The following TAFA1 variants were observed in gnomAD, a reference collection of about 807,000 sequenced individuals.
The protein encoded by TAFA1 is TAFA chemokine like family member 1.
A neutral mutation model predicts 18.5 loss-of-function variants in TAFA1; 4 were observed. That is an observed-to-expected ratio of 0.22 (90% confidence interval 0.11 to 0.49). The LOEUF is 0.49. TAFA1 is among the 20% of genes least tolerant of loss of function. TAFA1 has a pLI of 0.98. For missense variants in TAFA1, 147 were observed against 169.0 expected, an observed-to-expected ratio of 0.87 and a Z score of 0.72; for synonymous variants, 56 against 55.2, an observed-to-expected ratio of 1.01 and a Z score of -0.06.
intron 2 of TAFA1, among the ~76,000 whole-genome samples, chr3:68,318,178 A>G (rs1413680807): frequency 6.6e-6 from 1 of 152,172 alleles, no homozygotes; most frequent in Non-Finnish European, 1.5e-5. Flanking sequence ...ACACACTGAG[A>G]CTGATTTAGC....
At chr3:68,540,638 G>A (rs2073357220) in intron 4 of TAFA1, among the ~76,000 whole-genome samples, 1 of 152,118 alleles carries the variant, frequency 6.6e-6, no homozygotes, top group South Asian at 2.1e-4. Flanking sequence ...AGAACTGATT[G>A]CCTTTTATTG....
Position 68,212,123 on chromosome 3 carries a change from G to A in TAFA1, c.119-205157G>A, listed in dbSNP as rs757851380. On this transcript the variant is annotated intron_variant, in intron 2 of 4. Transcript: ENST00000478136. ...GGGCTTTCCTGAAGAGACAGCATTTGACTCAAGAACAACAGCCTGAGTATG... is the reference window on the plus strand; with the variant it reads ...GGGCTTTCCTGAAGAGACAGCATTTAACTCAAGAACAACAGCCTGAGTATG... Among the ~76,000 whole-genome samples the A allele has an allele frequency of 3.4e-4, 52 of 151,868 alleles. 1 individual carries two copies. The highest frequency in any genetic ancestry group is 3.3e-4 in the Admixed American group (5 of 15,240).
At chr3:68,415,655 T>C (rs1157158782) in intron 2 of TAFA1, among the ~76,000 whole-genome samples, 1 of 151,770 alleles carries the variant, frequency 6.6e-6, no homozygotes, top group Admixed American at 6.6e-5. Flanking sequence ...CTAGTCACTC[T>C]GGTATTCTTA....
chr3:68,354,129 T>C (rs1267912819), intron 2 of TAFA1, among the ~76,000 whole-genome samples: 1 of 148,880 alleles, frequency 6.7e-6, no homozygotes, highest in East Asian at 2.0e-4. Flanking sequence ...AGACTCTACA[T>C]TTTATTTGAA....
chr3:68,010,218 A>G (rs774772669), intron 2 of TAFA1, among the ~76,000 whole-genome samples: 2 of 152,034 alleles, frequency 1.3e-5, no homozygotes, highest in South Asian at 2.1e-4. Flanking sequence ...GCTCCCCCCA[A>G]TCCCCTCCCT....
chr3:68,130,102 C>G (rs1366919412), intron 2 of TAFA1, among the ~76,000 whole-genome samples: 1 of 152,092 alleles, frequency 6.6e-6, no homozygotes, highest in African/African-American at 2.4e-5. Context: ...CTCATGACAA[C>G]CCTGCCAGGA....
intron 2 of TAFA1, among the ~76,000 whole-genome samples, chr3:68,252,154 T>A (rs2067208522): frequency 6.6e-6 from 1 of 152,108 alleles, no homozygotes; most frequent in Non-Finnish European, 1.5e-5. Context: ...TCAGCAAATC[T>A]CCCTCTCCAG....
intron 2 of TAFA1, among the ~76,000 whole-genome samples, chr3:68,359,084 C>A (rs1209019863): frequency 6.6e-6 from 1 of 152,016 alleles, no homozygotes; most frequent in Non-Finnish European, 1.5e-5. Context: ...GCACTGTTGT[C>A]TACTCTTGGG....
intron 2 of TAFA1, among the ~76,000 whole-genome samples, chr3:68,011,963 C>T (rs1008452008): frequency 1.3e-5 from 2 of 152,174 alleles, no homozygotes; most frequent in African/African-American, 4.8e-5. Flanking sequence ...AAGCTCAAAC[C>T]TATGGTTTCA....
intron 2 of TAFA1, among the ~76,000 whole-genome samples, chr3:68,196,205 A>G (rs1394098011): frequency 6.6e-6 from 1 of 151,754 alleles, no homozygotes; most frequent in Non-Finnish European, 1.5e-5. Context: ...TGTTCACGTA[A>G]CTTGTAACTT....
chr3:68,388,084 G>A (rs2070142111), intron 2 of TAFA1, among the ~76,000 whole-genome samples: 1 of 152,064 alleles, frequency 6.6e-6, no homozygotes, highest in African/African-American at 2.4e-5. Flanking sequence ...ATTTCAATAT[G>A]TCATTTTTAG....
chr3:68,383,918 G>T (rs1445851582), intron 2 of TAFA1, among the ~76,000 whole-genome samples: 1 of 152,030 alleles, frequency 6.6e-6, no homozygotes, highest in Non-Finnish European at 1.5e-5. Flanking sequence ...GGATGTATAT[G>T]TCCAGGAATT....
chr3:68,426,112 G>T (rs1202136800), intron 3 of TAFA1, among the ~76,000 whole-genome samples: 2 of 151,576 alleles, frequency 1.3e-5, no homozygotes, highest in Admixed American at 6.6e-5. Context: ...TATATAATCT[G>T]TTGTGAATAT....
chr3:68,530,342 A>C (rs1399823423), intron 3 of TAFA1, among the ~76,000 whole-genome samples: 1 of 152,246 alleles, frequency 6.6e-6, no homozygotes, highest in Non-Finnish European at 1.5e-5. Context: ...TTATACTGAA[A>C]TAAAGGATTG....
At chr3:68,014,398 G>C (rs1466770188) in intron 2 of TAFA1, among the ~76,000 whole-genome samples, 3 of 152,164 alleles carry the variant, frequency 2.0e-5, no homozygotes, top group African/African-American at 7.2e-5. Flanking sequence ...AATTCAAAAA[G>C]TGGTAGAAAA....
At chr3:68,221,169 G>A (rs2066725301) in intron 2 of TAFA1, among the ~76,000 whole-genome samples, 1 of 152,128 alleles carries the variant, frequency 6.6e-6, no homozygotes, top group South Asian at 2.1e-4. Context: ...GACCATTTTG[G>A]TCCAGTAACA....
At chr3:68,370,146 G>A (rs1287900691) in intron 2 of TAFA1, among the ~76,000 whole-genome samples, 1 of 148,196 alleles carries the variant, frequency 6.7e-6, no homozygotes, top group Non-Finnish European at 1.5e-5. Context: ...AAATTAGCCT[G>A]GCAATGTGGC....
intron 3 of TAFA1, among the ~76,000 whole-genome samples, chr3:68,449,153 C>T (rs570634608): frequency 1.4e-4 from 21 of 152,130 alleles, no homozygotes; most frequent in Non-Finnish European, 2.9e-4. Flanking sequence ...GAGAAATGCA[C>T]GGAAAAGATG....
chr3:68,274,948 T>C (rs1375188566), intron 2 of TAFA1, among the ~76,000 whole-genome samples: 1 of 152,160 alleles, frequency 6.6e-6, no homozygotes, highest in African/African-American at 2.4e-5. Context: ...CATATACAAT[T>C]TGCAAAACAG....
Sources: gnomAD v4.1 joint callset for allele counts (sites outside exome capture counted in the v4.1 genomes callset) on GRCh38, gnomAD v4.1.1 for gene constraint, MANE v1.5 for transcripts, NCBI Gene and HGNC (gene_info 2026-07-23, HGNC 2026-07-21) for gene names.